The following GPHN variants were observed in gnomAD, a reference collection of about 807,000 sequenced individuals.
GPHN encodes gephyrin.
A neutral mutation model predicts 95.5 loss-of-function variants in GPHN; 17 were observed. The ratio of observed to expected loss-of-function variants is 0.18; its 90% CI spans 0.12 to 0.27. The LOEUF (loss-of-function observed/expected upper bound fraction) is 0.27, where lower values mean the gene tolerates loss of function less well. Ranked by LOEUF, GPHN falls within the 10% of genes least tolerant of loss-of-function variation. The probability of loss-of-function intolerance (pLI) is 1.00; values close to 1 mark genes in which losing one functional copy is unlikely to be tolerated. For synonymous variants in GPHN, 320 were observed against 322.5 expected (o/e 0.99, Z 0.08); for missense variants, 660 against 978.1 (o/e 0.67, Z 4.34).
chr14:66,559,332 G>T (rs76798376), intron 1 of GPHN, among the ~76,000 whole-genome samples: 130,868 of 130,938 alleles, frequency 1, 65,399 homozygotes, highest in Middle Eastern at 1. Context: ...CCACAATGGT[G>T]GAACTAGTTT....
intron 5 of GPHN, among the ~76,000 whole-genome samples, chr14:66,886,636 A>C (rs527431544): frequency 6.6e-6 from 1 of 152,316 alleles, no homozygotes; most frequent in South Asian, 2.1e-4. Context: ...CAGCAGGCAG[A>C]AAAAAGAATC....
At chr14:66,987,332 G>A (rs1408435170) in intron 9 of GPHN, among the ~76,000 whole-genome samples, 1 of 152,060 alleles carries the variant, frequency 6.6e-6, no homozygotes, top group Non-Finnish European at 1.5e-5. Context: ...GATAAAAATG[G>A]CATCCATAAC....
the GPHN span, chr14:67,320,317 G>T: frequency 1.2e-6 from 2 of 1,613,790 alleles, no homozygotes; most frequent in Non-Finnish European, 1.7e-6. Flanking sequence ...ATCTTGATTG[G>T]TCCACAGAAC....
At chr14:67,678,834 G>T in the GPHN span, among the ~76,000 whole-genome samples, 1,371 of 142,162 alleles carry the variant, frequency 9.6e-3, 66 homozygotes, top group Admixed American at 0.083. Context: ...GATGCCTGGA[G>T]TAGTAAAAAA....
the GPHN span, among the ~76,000 whole-genome samples, chr14:67,455,522 C>A: frequency 1.3e-5 from 2 of 152,180 alleles, no homozygotes; most frequent in Non-Finnish European, 2.9e-5. Context: ...ACATACACAT[C>A]ATGTGATATC....
the GPHN span, among the ~76,000 whole-genome samples, chr14:67,229,852 C>T: frequency 6.6e-6 from 1 of 152,116 alleles, no homozygotes; most frequent in African/African-American, 2.4e-5. Flanking sequence ...CATCAGACAG[C>T]ACTGCTCTAG....
the GPHN span, among the ~76,000 whole-genome samples, chr14:67,306,471 G>A: frequency 6.6e-6 from 1 of 151,910 alleles, no homozygotes; most frequent in Admixed American, 6.6e-5. Context: ...AGCCTCCCAA[G>A]TAGCTGGGAT....
chr14:67,302,245 T>G, the GPHN span: 1 of 1,192,346 alleles, frequency 8.4e-7, no homozygotes, highest in Non-Finnish European at 1.1e-6. Flanking sequence ...GGGGAAATGG[T>G]CAACTTTTAA....
the GPHN span, chr14:67,397,760 TGTA>T: frequency 6.2e-7 from 1 of 1,613,498 alleles, no homozygotes; most frequent in East Asian, 2.2e-5. Context: ...CCCTCAAGCT[TGTA>T]GTACACCAGC....
At chr14:67,091,748 A>T (rs148173910) in intron 12 of GPHN, among the ~76,000 whole-genome samples, 1 of 151,900 alleles carries the variant, frequency 6.6e-6, no homozygotes, top group East Asian at 1.9e-4. Flanking sequence ...ATTAGCCCTT[A>T]TGAGCTTTTC....
At chr14:67,031,158 G>A (rs2074178971) in intron 10 of GPHN, among the ~76,000 whole-genome samples, 1 of 152,092 alleles carries the variant, frequency 6.6e-6, no homozygotes, top group African/African-American at 2.4e-5. Flanking sequence ...TGGAGTGTAA[G>A]TCAGACTTTT....
the GPHN span, among the ~76,000 whole-genome samples, chr14:67,415,221 A>G: frequency 6.6e-6 from 1 of 152,218 alleles, no homozygotes; most frequent in African/African-American, 2.4e-5. Context: ...GTTTATATGC[A>G]CATACTTTTA....
At chr14:67,029,497 C>G (rs1265025819) in intron 10 of GPHN, among the ~76,000 whole-genome samples, 2 of 152,128 alleles carry the variant, frequency 1.3e-5, no homozygotes, top group Admixed American at 6.5e-5. Flanking sequence ...GCCACCACAC[C>G]CAGCTAATTT....
intron 8 of GPHN, among the ~76,000 whole-genome samples, chr14:66,926,896 T>C (rs2066511197): frequency 6.6e-6 from 1 of 152,232 alleles, no homozygotes; most frequent in South Asian, 2.1e-4. Context: ...CTTTCCTTTT[T>C]GTGTGTGTCC....
At chr14:66,710,243 T>C (rs190634828) in intron 2 of GPHN, among the ~76,000 whole-genome samples, 3 of 152,312 alleles carry the variant, frequency 2.0e-5, no homozygotes, top group East Asian at 3.9e-4. Context: ...CTTTTGCAAA[T>C]ACAAATATAT....
the GPHN span, among the ~76,000 whole-genome samples, chr14:67,514,338 A>G: frequency 2.6e-5 from 4 of 152,296 alleles, no homozygotes; most frequent in Admixed American, 1.3e-4. Context: ...TACCTGGGAA[A>G]GAGGCCAATG....
chr14:66,542,270 C>A (rs2059379731), intron 1 of GPHN, among the ~76,000 whole-genome samples: 2 of 152,162 alleles, frequency 1.3e-5, no homozygotes, highest in South Asian at 4.1e-4. Flanking sequence ...TTAATACTAC[C>A]TGGCATTCAT....
intron 1 of GPHN, among the ~76,000 whole-genome samples, chr14:66,551,551 A>G (rs1309275368): frequency 6.6e-6 from 1 of 152,210 alleles, no homozygotes; most frequent in African/African-American, 2.4e-5. Flanking sequence ...TGTGTTCTCC[A>G]TTCACTTTTT....
At chr14:67,168,833 C>A in intron 20 of GPHN, 100 bp from the exon 21 acceptor site, 1 of 820,930 alleles carries the variant, frequency 1.2e-6, no homozygotes, top group Non-Finnish European at 2.1e-6. Flanking sequence ...AGTGCCTAGT[C>A]ACTTCCGTCA....
Sources: gnomAD v4.1 joint callset for allele counts (sites outside exome capture counted in the v4.1 genomes callset) on GRCh38, gnomAD v4.1.1 for gene constraint, MANE v1.5 for transcripts, NCBI Gene and HGNC (gene_info 2026-07-23, HGNC 2026-07-21) for gene names.